TTC29: variants seen among roughly 807,000 people sequenced by gnomAD.
TTC29 encodes the protein tetratricopeptide repeat domain 29.
Under a neutral mutation model 58.1 loss-of-function variants are expected in TTC29, and 49 were observed. The ratio of observed to expected loss-of-function variants is 0.84; its 90% CI spans 0.67 to 1.07. The LOEUF is 1.07. Ranked by LOEUF, TTC29 falls within the 50% of genes least tolerant of loss-of-function variation. The pLI, the probability that TTC29 is intolerant of heterozygous loss-of-function variation, is 0.00. For synonymous variants in TTC29, 209 were observed against 196.8 expected (o/e 1.06, Z -0.52); for missense variants, 582 against 555.6 (o/e 1.05, Z -0.48).
chr4:146,924,643 C>A (rs1734805458), intron 4 of TTC29, among the ~76,000 whole-genome samples: 1 of 151,690 alleles, frequency 6.6e-6, no homozygotes, highest in Admixed American at 6.6e-5. Context: ...TTTCTCTGAT[C>A]AGTTTGACGA....
At chr4:146,756,546 C>T (rs1746462863) in intron 11 of TTC29, among the ~76,000 whole-genome samples, 1 of 151,994 alleles carries the variant, frequency 6.6e-6, no homozygotes, top group Non-Finnish European at 1.5e-5. Context: ...AGACAAGTTG[C>T]CTCCATATGG....
chr4:146,834,261 T>C (rs2150158711), intron 8 of TTC29, among the ~76,000 whole-genome samples: 1 of 152,328 alleles, frequency 6.6e-6, no homozygotes, highest in East Asian at 1.9e-4. Context: ...AATATTCTAC[T>C]ATGATAGCTT....
At chr4:146,794,550 A>C (rs1401300217) in intron 11 of TTC29, among the ~76,000 whole-genome samples, 1 of 152,032 alleles carries the variant, frequency 6.6e-6, no homozygotes, top group Non-Finnish European at 1.5e-5. Context: ...AATTTTCCCA[A>C]GTTTTCTCAC....
At chr4:146,728,883 A>G in intron 11 of TTC29, among the ~76,000 whole-genome samples, 1 of 33,984 alleles carries the variant, frequency 2.9e-5, no homozygotes, top group Middle Eastern at 0.015. Context: ...GTGTATATAT[A>G]TATGTGTGTA....
In TTC29 at chr4:146,780,211, C is replaced by T. The variant is rs1579655043; in HGVS notation, c.1330+23246G>A. Among the ~76,000 whole-genome samples, 5 of 151,816 alleles carry T rather than the reference C, an allele frequency of 3.3e-5. No homozygotes were observed. The South Asian group carries it at 1.0e-3, about 32-fold the overall frequency. On this transcript the variant is annotated intron_variant, in intron 11 of 12. Transcript: ENST00000325106. ...ATGTATGGGTAGAGACCACAATGCT[C>T]CAGTCATCTCAGAAGCGTAAAGGAT...
At chr4:146,769,564 A>G (rs1447147297) in intron 11 of TTC29, among the ~76,000 whole-genome samples, 1 of 152,032 alleles carries the variant, frequency 6.6e-6, no homozygotes. Context: ...AAAGCACTTT[A>G]CACACCATTA....
In TTC29 at chr4:146,768,344, A is replaced by G. The variant is rs17021923; in HGVS notation, c.1330+35113T>C. On this transcript the variant is annotated intron_variant, in intron 11 of 12. Transcript: ENST00000325106. ...CCCATCAGCTAAATTAACTCCAACC[A>G]TCAGTAGGTAACAAATGTGGAAATA... Among the ~76,000 whole-genome samples the G allele has an allele frequency of 4.1e-3, 624 of 152,144 alleles. 6 individuals carry two copies. The highest frequency in any genetic ancestry group is 0.014 in the African/African-American group (589 of 41,548).
At chr4:146,899,266 T>C (rs1193668752) in intron 6 of TTC29, among the ~76,000 whole-genome samples, 1 of 152,150 alleles carries the variant, frequency 6.6e-6, no homozygotes, top group Non-Finnish European at 1.5e-5. Context: ...GAGCTGGTGT[T>C]TCCCCAGTCA....
At chr4:146,916,145 A>C (rs1392736152) in intron 4 of TTC29, among the ~76,000 whole-genome samples, 1 of 151,794 alleles carries the variant, frequency 6.6e-6, no homozygotes, top group Non-Finnish European at 1.5e-5. Context: ...CACTATTCTT[A>C]CCTATCTTTT....
At chr4:146,743,329 A>G (rs1207736836) in intron 11 of TTC29, among the ~76,000 whole-genome samples, 1 of 152,188 alleles carries the variant, frequency 6.6e-6, no homozygotes, top group Non-Finnish European at 1.5e-5. Context: ...AACTGAAAAT[A>G]AGTGCCTGGT....
intron 6 of TTC29, among the ~76,000 whole-genome samples, chr4:146,893,434 G>A (rs1464499383): frequency 6.6e-6 from 1 of 152,146 alleles, no homozygotes; most frequent in African/African-American, 2.4e-5. Flanking sequence ...ATGGGGAAAG[G>A]ATTCCCTATT....
chr4:146,913,104 G>T (rs1046800784), intron 4 of TTC29, among the ~76,000 whole-genome samples: 1 of 152,134 alleles, frequency 6.6e-6, no homozygotes, highest in Non-Finnish European at 1.5e-5. Context: ...GACATAGGAG[G>T]CCTGAGAGGA....
intron 11 of TTC29, among the ~76,000 whole-genome samples, chr4:146,795,001 G>GAACT (rs1350841515): frequency 6.6e-6 from 1 of 152,050 alleles, no homozygotes; most frequent in African/African-American, 2.4e-5. Context: ...GCACTTAAGT[G>GAACT]AACTAACTTT....
chr4:146,794,300 A>G (rs1232779024), intron 11 of TTC29, among the ~76,000 whole-genome samples: 2 of 152,108 alleles, frequency 1.3e-5, no homozygotes, highest in Non-Finnish European at 2.9e-5. Context: ...GCCTACTAAG[A>G]TTTTAATGAA....
At chr4:146,791,616 A>C (rs942571014) in intron 11 of TTC29, among the ~76,000 whole-genome samples, 1 of 152,206 alleles carries the variant, frequency 6.6e-6, no homozygotes, top group Non-Finnish European at 1.5e-5. Flanking sequence ...CTAAGTGTTC[A>C]TGTGAAAGGA....
chr4:146,825,885 T>C (rs971201285), intron 9 of TTC29, among the ~76,000 whole-genome samples: 2 of 152,228 alleles, frequency 1.3e-5, no homozygotes, highest in East Asian at 1.9e-4. Context: ...TGGATCGTTG[T>C]TGGTTTAAAG....
intron 8 of TTC29, among the ~76,000 whole-genome samples, chr4:146,836,337 C>A (rs181371557): frequency 1.3e-5 from 2 of 151,896 alleles, no homozygotes; most frequent in Non-Finnish European, 2.9e-5. Context: ...GGCAGTAGGA[C>A]GAGTATAGTT....
At chr4:146,886,662 G>A (rs1732003285) in intron 6 of TTC29, among the ~76,000 whole-genome samples, 1 of 151,996 alleles carries the variant, frequency 6.6e-6, no homozygotes, top group Admixed American at 6.6e-5. Flanking sequence ...ATTTTTCCTG[G>A]GTGAGTCCTA....
At chr4:146,939,774 G>C (rs901812134) in intron 3 of TTC29, 30 bp downstream of exon 3, 2 of 1,565,984 alleles carry the variant, frequency 1.3e-6, no homozygotes, top group Non-Finnish European at 1.7e-6. Context: ...TCCTTCTGTA[G>C]GAAAATAAGT....
Sources: allele counts gnomAD v4.1 joint callset (sites outside exome capture counted in the v4.1 genomes callset), GRCh38; gene constraint gnomAD v4.1.1; transcripts MANE v1.5; gene names NCBI Gene and HGNC (gene_info 2026-07-23, HGNC 2026-07-21).